NRG3: variants seen among roughly 807,000 people sequenced by gnomAD.
The protein encoded by NRG3 is pro-neuregulin-3, membrane-bound isoform.
A neutral mutation model predicts 66.9 loss-of-function variants in NRG3; 31 were observed. The observed-to-expected ratio is 0.46, with a 90% CI of 0.35 to 0.63. The LOEUF (loss-of-function observed/expected upper bound fraction) is 0.63. Among genes scored for constraint, NRG3 ranks in the 20% least tolerant of loss-of-function variants. The probability of loss-of-function intolerance (pLI) is 0.00; values close to 1 mark genes in which losing one functional copy is unlikely to be tolerated. For synonymous variants in NRG3, 393 were observed against 359.4 expected (o/e 1.09, Z -1.06); for missense variants, 910 against 878.9 (o/e 1.04, Z -0.45).
chr10:81,954,917 C>G (rs1467773967), intron 1 of NRG3, among the ~76,000 whole-genome samples: 1 of 151,866 alleles, frequency 6.6e-6, no homozygotes, highest in Non-Finnish European at 1.5e-5. Flanking sequence ...CATTGACTGT[C>G]TTGATATGAT....
chr10:82,128,842 C>G (rs1467000012), intron 1 of NRG3, among the ~76,000 whole-genome samples: 1 of 151,948 alleles, frequency 6.6e-6, no homozygotes, highest in Non-Finnish European at 1.5e-5. Context: ...TGGAACATTT[C>G]AGCCAATAAT....
chr10:82,224,145 A>G (rs2079258546), intron 1 of NRG3: 1 of 152,220 alleles, frequency 6.6e-6, no homozygotes, highest in Non-Finnish European at 1.5e-5. Flanking sequence ...GTGAGCACCA[A>G]CACTGCAGAG....
At chr10:82,516,060 G>A (rs1845618495) in intron 2 of NRG3, among the ~76,000 whole-genome samples, 1 of 152,082 alleles carries the variant, frequency 6.6e-6, no homozygotes, top group Non-Finnish European at 1.5e-5. Context: ...CTCAGAACTT[G>A]TATGGCCAAT....
At chr10:82,830,033 A>T (rs7069209) in intron 3 of NRG3, among the ~76,000 whole-genome samples, 1 of 152,024 alleles carries the variant, frequency 6.6e-6, no homozygotes, top group Non-Finnish European at 1.5e-5. Flanking sequence ...GTATCTTCTC[A>T]TGGTGATCTT....
intron 2 of NRG3, among the ~76,000 whole-genome samples, chr10:82,500,697 T>C (rs189424978): frequency 6.6e-6 from 1 of 152,302 alleles, no homozygotes; most frequent in Admixed American, 6.5e-5. Context: ...CTGCTTTGGG[T>C]AGGAATCACT....
chr10:81,989,738 G>A (rs1359887803), intron 1 of NRG3, among the ~76,000 whole-genome samples: 1 of 152,186 alleles, frequency 6.6e-6, no homozygotes, highest in African/African-American at 2.4e-5. Flanking sequence ...CAATACTGCT[G>A]TGAGGCTGAG....
intron 1 of NRG3, among the ~76,000 whole-genome samples, chr10:82,004,355 T>C (rs999510452): frequency 9.2e-5 from 14 of 152,158 alleles, no homozygotes; most frequent in Non-Finnish European, 1.9e-4. Context: ...AGGGATAATC[T>C]AGTAGAGAGA....
intron 2 of NRG3, among the ~76,000 whole-genome samples, chr10:82,461,337 TCAC>T (rs1275284672): frequency 4.0e-5 from 6 of 151,478 alleles, no homozygotes; most frequent in Admixed American, 3.3e-4. Context: ...ACCACCACCA[TCAC>T]CACCACCACC....
intron 6 of NRG3, among the ~76,000 whole-genome samples, chr10:82,973,437 A>T (rs761706008): frequency 1.1e-4 from 17 of 152,240 alleles, no homozygotes; most frequent in Non-Finnish European, 2.5e-4. Context: ...TAGTAATTCA[A>T]TTTTTTTGGT....
intron 1 of NRG3, among the ~76,000 whole-genome samples, chr10:82,288,855 A>G (rs983411800): frequency 2.6e-5 from 4 of 152,184 alleles, no homozygotes; most frequent in South Asian, 4.1e-4. Context: ...ATGGCTCATG[A>G]GTAATTTGTC....
chr10:82,779,423 A>G (rs898571434), intron 3 of NRG3, among the ~76,000 whole-genome samples: 1 of 152,016 alleles, frequency 6.6e-6, no homozygotes, highest in African/African-American at 2.4e-5. Flanking sequence ...CTCTTCACGG[A>G]CCTACTCTAC....
At chr10:82,344,129 C>T (rs1450002338) in intron 1 of NRG3, among the ~76,000 whole-genome samples, 21 of 149,306 alleles carry the variant, frequency 1.4e-4, no homozygotes, top group Middle Eastern at 6.9e-3. Context: ...TAGTTACATA[C>T]GTATACATGT....
At chr10:82,932,998 C>G (rs1261679358) in intron 4 of NRG3, among the ~76,000 whole-genome samples, 1 of 152,040 alleles carries the variant, frequency 6.6e-6, no homozygotes, top group Admixed American at 6.6e-5. Context: ...TCTTCTCTCC[C>G]TCTTTATTCT....
At chr10:82,871,308 A>T (rs1326796642) in intron 4 of NRG3, among the ~76,000 whole-genome samples, 2 of 150,246 alleles carry the variant, frequency 1.3e-5, no homozygotes, top group African/African-American at 4.9e-5. Flanking sequence ...CCAATACTAT[A>T]CTATTTTGAT....
At chr10:82,373,844 A>G (rs1458968787) in intron 2 of NRG3, among the ~76,000 whole-genome samples, 4 of 152,186 alleles carry the variant, frequency 2.6e-5, no homozygotes, top group Non-Finnish European at 4.4e-5. Flanking sequence ...GGGTTAGCAT[A>G]TGTGAAAGAA....
At chr10:82,384,586 A>C (rs1225437395) in intron 2 of NRG3, among the ~76,000 whole-genome samples, 1 of 152,200 alleles carries the variant, frequency 6.6e-6, no homozygotes, top group Non-Finnish European at 1.5e-5. Context: ...AGTTGCACAC[A>C]TGTCCCTGCA....
intron 1 of NRG3, among the ~76,000 whole-genome samples, chr10:82,310,414 C>T (rs2080962783): frequency 6.6e-6 from 1 of 152,124 alleles, no homozygotes; most frequent in Admixed American, 6.6e-5. Flanking sequence ...GCAATTATGC[C>T]ATTGGGATAG....
At chr10:82,838,017 C>T (rs2062866016) in intron 3 of NRG3, among the ~76,000 whole-genome samples, 1 of 152,082 alleles carries the variant, frequency 6.6e-6, no homozygotes, top group African/African-American at 2.4e-5. Context: ...CCAGGAGGAG[C>T]AGGAGTGATG....
intron 1 of NRG3, among the ~76,000 whole-genome samples, chr10:81,980,166 A>C (rs2060281396): frequency 6.6e-6 from 1 of 152,166 alleles, no homozygotes; most frequent in African/African-American, 2.4e-5. Context: ...CTTGATAAAG[A>C]ATTCAAGCTT....
Sources: allele counts gnomAD v4.1 joint callset (sites outside exome capture counted in the v4.1 genomes callset), GRCh38; gene constraint gnomAD v4.1.1; transcripts MANE v1.5; gene names NCBI Gene and HGNC (gene_info 2026-07-23, HGNC 2026-07-21).